Variants in SPIRE1 observed in about 807,000 individuals in gnomAD.
SPIRE1 encodes the protein spire type actin nucleation factor 1, also known as protein spire homolog 1.
In SPIRE1, 40 loss-of-function variants were observed where a neutral mutation model predicts 94.1. That is an observed-to-expected ratio of 0.43 (90% CI 0.33 to 0.55). SPIRE1 has a LOEUF of 0.55. Ranked by LOEUF, SPIRE1 falls within the 20% of genes least tolerant of loss-of-function variation. The pLI, the probability that SPIRE1 is intolerant of heterozygous loss-of-function variation, is 0.06. For synonymous variants in SPIRE1, 376 were observed against 371.7 expected, an observed-to-expected ratio of 1.01 and a Z score of -0.13; for missense variants, 838 against 975.2, an observed-to-expected ratio of 0.86 and a Z score of 1.87.
intron 10 of SPIRE1, 151 bp downstream of exon 10, chr18:12,479,548 C>T: frequency 1.4e-6 from 1 of 706,552 alleles, no homozygotes; most frequent in Non-Finnish European, 2.2e-6. Context: ...ATTTAATTTC[C>T]TGCAAACCAA....
At chr18:12,630,363 T>G (rs1424394733) in intron 2 of SPIRE1, among the ~76,000 whole-genome samples, 1 of 152,100 alleles carries the variant, frequency 6.6e-6, no homozygotes, top group Admixed American at 6.6e-5. Context: ...CTGAATAAAA[T>G]GTAAATAATT....
chr18:12,614,734 C>T (rs1425733403), intron 2 of SPIRE1, among the ~76,000 whole-genome samples: 1 of 152,150 alleles, frequency 6.6e-6, no homozygotes, highest in Non-Finnish European at 1.5e-5. Context: ...AGGAGAATCA[C>T]TTGAACCCGG....
chr18:12,567,303 C>T (rs941560735), intron 2 of SPIRE1, among the ~76,000 whole-genome samples: 2 of 152,054 alleles, frequency 1.3e-5, no homozygotes, highest in African/African-American at 4.8e-5. Context: ...ATACAAAATA[C>T]TGATGAACAA....
intron 2 of SPIRE1, among the ~76,000 whole-genome samples, chr18:12,567,579 T>C (rs1360281775): frequency 6.6e-6 from 1 of 152,160 alleles, no homozygotes; most frequent in African/African-American, 2.4e-5. Context: ...AGAGCCTGTG[T>C]CCAGCTGTCC....
At chr18:12,497,487 T>C (rs576298071) in intron 6 of SPIRE1, among the ~76,000 whole-genome samples, 1 of 152,256 alleles carries the variant, frequency 6.6e-6, no homozygotes. Flanking sequence ...TGACCACATA[T>C]TGAGTTCAGA....
chr18:12,572,190 G>T (rs1420859350), intron 2 of SPIRE1, among the ~76,000 whole-genome samples: 2 of 151,966 alleles, frequency 1.3e-5, no homozygotes, highest in Non-Finnish European at 2.9e-5. Flanking sequence ...GTGGGGGCTT[G>T]GGGGGGTCAA....
intron 1 of SPIRE1, among the ~76,000 whole-genome samples, chr18:12,639,343 C>G (rs968259375): frequency 6.6e-6 from 1 of 152,098 alleles, no homozygotes; most frequent in Non-Finnish European, 1.5e-5. Context: ...TGCAGTAAAA[C>G]AGAAGTGGCC....
chr18:12,632,868 C>T (rs1028844804), intron 2 of SPIRE1, among the ~76,000 whole-genome samples: 1 of 151,958 alleles, frequency 6.6e-6, no homozygotes, highest in Non-Finnish European at 1.5e-5. Flanking sequence ...GATTTTATGA[C>T]AATATAATAA....
intron 4 of SPIRE1, among the ~76,000 whole-genome samples, chr18:12,519,494 T>G (rs1378349405): frequency 6.6e-6 from 1 of 152,188 alleles, no homozygotes; most frequent in Non-Finnish European, 1.5e-5. Flanking sequence ...ACATTCACCT[T>G]TTCTGTTTTT....
intron 4 of SPIRE1, among the ~76,000 whole-genome samples, chr18:12,521,685 C>A (rs552175338): frequency 6.6e-6 from 1 of 152,226 alleles, no homozygotes; most frequent in African/African-American, 2.4e-5. Flanking sequence ...CTGAGTTCGG[C>A]AAATCTATTG....
At chr18:12,508,821 C>G (rs2033928137) in intron 5 of SPIRE1, among the ~76,000 whole-genome samples, 1 of 151,978 alleles carries the variant, frequency 6.6e-6, no homozygotes, top group African/African-American at 2.4e-5. Flanking sequence ...ATTACAGGTG[C>G]CCGCCACTAT....
intron 1 of SPIRE1, among the ~76,000 whole-genome samples, chr18:12,649,301 T>G (rs950261373): frequency 6.6e-6 from 1 of 151,780 alleles, no homozygotes; most frequent in Non-Finnish European, 1.5e-5. Flanking sequence ...CCCAGCTACA[T>G]GGGAGGCTGA....
rs550650722 is a variant in SPIRE1, at chr18:12,629,461, C to T, written c.372+5601G>A. ...AACTGCTTCCTTGACAGGCAAGCGCCTACGAGTACAGGTTAGTCATTCAAG... is the reference window on the plus strand; with the variant it reads ...AACTGCTTCCTTGACAGGCAAGCGCTTACGAGTACAGGTTAGTCATTCAAG... On this transcript the variant is annotated intron_variant, in intron 2 of 16. Transcript: ENST00000409402. Among the ~76,000 whole-genome samples, 3 of 152,248 alleles carry T rather than the reference C, an allele frequency of 2.0e-5. No homozygotes were observed. The East Asian group carries it at 5.8e-4, about 29-fold the overall frequency.
chr18:12,489,264 C>T (rs2033148008), intron 8 of SPIRE1, among the ~76,000 whole-genome samples: 1 of 152,178 alleles, frequency 6.6e-6, no homozygotes, highest in Non-Finnish European at 1.5e-5. Context: ...ACATCTTCCA[C>T]TCACCATTCA....
At position 12,614,708 on chromosome 18, in the gene SPIRE1, C is replaced by T. The variant is rs556401215; in HGVS notation, c.372+20354G>A. Among the ~76,000 whole-genome samples the T allele has an allele frequency of 4.6e-5, 7 of 151,884 alleles. No individual in the cohort carries two copies. The South Asian group carries it at 1.5e-3, about 32-fold the overall frequency. On this transcript the variant is annotated intron_variant, in intron 2 of 16. Coordinates refer to ENST00000409402, the MANE Select transcript of SPIRE1 (RefSeq NM_001128626.2). Reference sequence around the variant, plus strand: ...TCACGGGCGCCTGTAACCCCAGCTACTTGGGAGGCTGAGGCAGGAGAATCA... The same window carrying T: ...TCACGGGCGCCTGTAACCCCAGCTATTTGGGAGGCTGAGGCAGGAGAATCA...
intron 7 of SPIRE1, among the ~76,000 whole-genome samples, chr18:12,495,117 G>A (rs1479223262): frequency 1.3e-5 from 2 of 150,950 alleles, no homozygotes; most frequent in African/African-American, 4.9e-5. Flanking sequence ...TTATAAAAAG[G>A]ATCATTAATT....
chr18:12,481,281 C>T lies in SPIRE1; in HGVS notation c.1232-1410G>A, dbSNP rs150160089. Among the ~76,000 whole-genome samples, 276 of 147,642 alleles carry T rather than the reference C, an allele frequency of 1.9e-3. 1 individual carries two copies. Among genetic ancestry groups the T allele is most frequent in the African/African-American group, 6.6e-3 (263 of 40,090 alleles). On this transcript the variant is annotated intron_variant, in intron 9 of 16. Transcript: ENST00000409402. Reference sequence around the variant, plus strand: ...GTGTCTCAAAAAAAAGAACAACCCCCGCCCCCCGCAAGAATGTGCTGTTTA... The same window carrying T: ...GTGTCTCAAAAAAAAGAACAACCCCTGCCCCCCGCAAGAATGTGCTGTTTA...
intron 2 of SPIRE1, among the ~76,000 whole-genome samples, chr18:12,611,582 C>T (rs1032898457): frequency 6.6e-6 from 1 of 152,224 alleles, no homozygotes; most frequent in African/African-American, 2.4e-5. Flanking sequence ...GCCAGAATCA[C>T]CCAGCTAAGC....
rs964687204 is a variant in SPIRE1, at chr18:12,472,367, C to CTT, written c.1404+7330_1404+7331dup. ...CATTATAGCGACACCATGCCCTGTG[C>CTT]TTTTTTTTTTTTTTTTTTGAGACAG... is the stretch of plus-strand genomic sequence containing the variant. On this transcript the variant is annotated intron_variant, in intron 10 of 16. Coordinates refer to ENST00000409402, the MANE Select transcript of SPIRE1 (RefSeq NM_001128626.2). 7.4e-5 allele frequency among the ~76,000 whole-genome samples: 10 copies of CTT among 134,988 alleles called. 1 individual carries two copies. The highest frequency in any genetic ancestry group is 7.6e-5 in the Admixed American group (1 of 13,186). 88.6% of individuals were successfully genotyped at this position (134,988 alleles called of 152,430 possible). A position where few individuals can be genotyped will look rare whatever the true frequency, so the allele number is the denominator to read the frequency against.
Sources: allele counts gnomAD v4.1 joint callset (sites outside exome capture counted in the v4.1 genomes callset), GRCh38; gene constraint gnomAD v4.1.1; transcripts MANE v1.5; gene names NCBI Gene and HGNC (gene_info 2026-07-23, HGNC 2026-07-21).